MIPOL1: variants seen among roughly 807,000 people sequenced by gnomAD.
MIPOL1 encodes the protein mirror-image polydactyly 1, also known as mirror-image polydactyly gene 1 protein.
Under a neutral mutation model 60.9 loss-of-function variants are expected in MIPOL1, and 57 were observed. The ratio of observed to expected loss-of-function variants is 0.94; its 90% CI spans 0.76 to 1.17. MIPOL1 has a LOEUF of 1.17. Among genes scored for constraint, MIPOL1 ranks in the 50% most tolerant of loss-of-function variants. The probability of loss-of-function intolerance (pLI) is 0.00; values close to 1 mark genes in which losing one functional copy is unlikely to be tolerated. For synonymous variants in MIPOL1, 179 were observed against 168.8 expected (o/e 1.06, Z -0.47); for missense variants, 551 against 511.6 (o/e 1.08, Z -0.74).
intron 1 of MIPOL1, among the ~76,000 whole-genome samples, chr14:37,214,977 A>G (rs573409412): frequency 6.6e-6 from 1 of 152,220 alleles, no homozygotes; most frequent in East Asian, 1.9e-4. Flanking sequence ...CCGGCGGCCT[A>G]ACCATCTCCC....
At chr14:37,344,945 G>A (rs933965812) in intron 9 of MIPOL1, among the ~76,000 whole-genome samples, 2 of 150,334 alleles carry the variant, frequency 1.3e-5, no homozygotes, top group South Asian at 2.1e-4. Context: ...CAAGAGGATC[G>A]CTTGAGCCCA....
chr14:37,337,297 CT>C (rs1422843028), intron 9 of MIPOL1, among the ~76,000 whole-genome samples: 1 of 118,852 alleles, frequency 8.4e-6, no homozygotes, highest in African/African-American at 3.4e-5. Context: ...TGTTGAATGC[CT>C]TTTCCTTTGC....
chr14:37,449,819 A>C lies in MIPOL1; in HGVS notation c.1031+26870A>C, dbSNP rs141921404. Among the ~76,000 whole-genome samples, 908 of 150,188 alleles carry C rather than the reference A, an allele frequency of 6.0e-3. 5 individuals carry two copies. Among genetic ancestry groups the C allele is most frequent in the African/African-American group, 0.02 (813 of 40,364 alleles). ...ATTTATTTATTTATTTATTTACTTA[A>C]TTTATTTTTTTGAGACAGAGTGTCA... On this transcript the variant is annotated intron_variant, in intron 11 of 12. Transcript: ENST00000684589.
chr14:37,238,023 A>G (rs1194856908), intron 1 of MIPOL1, among the ~76,000 whole-genome samples: 1 of 152,082 alleles, frequency 6.6e-6, no homozygotes, highest in Non-Finnish European at 1.5e-5. Flanking sequence ...CTGGAGTACA[A>G]TAGCGCGATC....
intron 11 of MIPOL1, among the ~76,000 whole-genome samples, chr14:37,481,400 T>A (rs1847004262): frequency 6.6e-6 from 1 of 152,038 alleles, no homozygotes; most frequent in Non-Finnish European, 1.5e-5. Context: ...TGGAAGGATA[T>A]CTCATGTTCA....
intron 11 of MIPOL1, among the ~76,000 whole-genome samples, chr14:37,499,657 A>G (rs547518765): frequency 1.3e-5 from 2 of 152,286 alleles, no homozygotes; most frequent in East Asian, 3.9e-4. Flanking sequence ...ACACTGATAT[A>G]ATTAAATTAA....
At chr14:37,442,137 G>A (rs564512239) in intron 11 of MIPOL1, among the ~76,000 whole-genome samples, 2 of 148,168 alleles carry the variant, frequency 1.3e-5, no homozygotes, top group South Asian at 4.3e-4. Context: ...TGTGTCTATT[G>A]TAAATGGAAT....
intron 10 of MIPOL1, among the ~76,000 whole-genome samples, chr14:37,379,822 G>A (rs951306832): frequency 6.6e-6 from 1 of 152,060 alleles, no homozygotes; most frequent in African/African-American, 2.4e-5. Flanking sequence ...AGTGTATAAT[G>A]TGTATGTAAT....
rs928735554 is a variant in MIPOL1, at chr14:37,470,466, G to C, written c.1032-29442G>C. ...TAGTGAGTTCTCATGACACCTGTTT[G>C]TTTTAAAGTATGTATCACCTCCTCT... On this transcript the variant is annotated intron_variant, in intron 11 of 12. Transcript: ENST00000684589. Among the ~76,000 whole-genome samples the C allele has an allele frequency of 2.0e-5, 3 of 151,988 alleles. No homozygotes were observed. In the South Asian group the frequency reaches 6.2e-4, roughly 32 times the overall value.
chr14:37,364,162 A>T (rs958498473), intron 9 of MIPOL1, among the ~76,000 whole-genome samples: 2 of 152,160 alleles, frequency 1.3e-5, no homozygotes, highest in Non-Finnish European at 2.9e-5. Flanking sequence ...ACCAATCCCA[A>T]TGAGATGAAC....
chr14:37,456,982 A>T (rs1262831125), intron 11 of MIPOL1, among the ~76,000 whole-genome samples: 4 of 152,188 alleles, frequency 2.6e-5, no homozygotes, highest in Non-Finnish European at 5.9e-5. Context: ...TAATAATTGG[A>T]TATATCTTTA....
At chr14:37,369,948 A>G (rs892097528) in intron 10 of MIPOL1, 1 of 156,872 alleles carries the variant, frequency 6.4e-6, no homozygotes, top group African/African-American at 2.4e-5. Context: ...AAAAAATTAA[A>G]TCATGGGCCT....
chr14:37,334,538 A>G (rs1321315478), intron 9 of MIPOL1, among the ~76,000 whole-genome samples: 1 of 151,996 alleles, frequency 6.6e-6, no homozygotes, highest in African/African-American at 2.4e-5. Context: ...TACCATTCAT[A>G]CCCTTAAAGT....
intron 3 of MIPOL1, among the ~76,000 whole-genome samples, chr14:37,259,389 A>C (rs776002569): frequency 2.6e-5 from 4 of 151,788 alleles, no homozygotes; most frequent in Non-Finnish European, 5.9e-5. Flanking sequence ...CATAGGGGAG[A>C]CCTTGTCTCT....
At chr14:37,484,785 T>G (rs1464267957) in intron 11 of MIPOL1, among the ~76,000 whole-genome samples, 2 of 152,198 alleles carry the variant, frequency 1.3e-5, no homozygotes, top group Admixed American at 6.5e-5. Flanking sequence ...CTATTTAGCC[T>G]ATCCTCTGGG....
intron 1 of MIPOL1, among the ~76,000 whole-genome samples, chr14:37,244,687 A>G (rs768999137): frequency 1.1e-4 from 17 of 152,096 alleles, no homozygotes; most frequent in Non-Finnish European, 1.9e-4. Context: ...ATGTAATGTT[A>G]GCATTTGGAT....
chr14:37,339,608 G>T (rs1420054270), intron 9 of MIPOL1, among the ~76,000 whole-genome samples: 1 of 152,044 alleles, frequency 6.6e-6, no homozygotes, highest in Non-Finnish European at 1.5e-5. Flanking sequence ...TGCATAAAAT[G>T]GAATACTATT....
At chr14:37,217,185 T>G (rs1967874712) in intron 1 of MIPOL1, among the ~76,000 whole-genome samples, 1 of 152,170 alleles carries the variant, frequency 6.6e-6, no homozygotes, top group Non-Finnish European at 1.5e-5. Context: ...CAACCTACAA[T>G]GTTTGAACCA....
intron 11 of MIPOL1, among the ~76,000 whole-genome samples, chr14:37,454,386 T>G (rs1406537215): frequency 2.0e-5 from 3 of 152,228 alleles, no homozygotes; most frequent in Non-Finnish European, 2.9e-5. Flanking sequence ...AGTGATAGTG[T>G]TAGCTAACAC....
Sources: allele counts gnomAD v4.1 joint callset (sites outside exome capture counted in the v4.1 genomes callset), GRCh38; gene constraint gnomAD v4.1.1; transcripts MANE v1.5; gene names NCBI Gene and HGNC (gene_info 2026-07-23, HGNC 2026-07-21).